XDH: variants seen among roughly 807,000 people sequenced by gnomAD.
XDH encodes xanthine dehydrogenase/oxidase.
In XDH, 138 loss-of-function variants were observed where a neutral mutation model predicts 156.1. The ratio of observed to expected loss-of-function variants is 0.88; its 90% CI spans 0.77 to 1.02. XDH has a LOEUF of 1.02. Among genes scored for constraint, XDH ranks in the 50% least tolerant of loss-of-function variants. The pLI is 0.00. For synonymous variants in XDH, 669 were observed against 625.7 expected, an observed-to-expected ratio of 1.07 and a Z score of -1.03; for missense variants, 1,849 against 1,684.9, an observed-to-expected ratio of 1.10 and a Z score of -1.71.
intron 6 of XDH, among the ~76,000 whole-genome samples, chr2:31,393,066 G>C (rs1686809761): frequency 6.6e-6 from 1 of 152,178 alleles, no homozygotes; most frequent in Non-Finnish European, 1.5e-5. Context: ...GGTCCATCTA[G>C]GTGAATGCTC....
chr2:31,398,735 C>A, intron 4 of XDH, 36 bp from the exon 5 acceptor site: 1 of 1,611,746 alleles, frequency 6.2e-7, no homozygotes, highest in East Asian at 2.2e-5. Context: ...CCTGGGATGG[C>A]AGAACCCTCC....
intron 12 of XDH, 69 bp from the exon 13 acceptor site, chr2:31,380,045 G>T (rs1182528992): frequency 1.5e-5 from 22 of 1,472,516 alleles, no homozygotes; most frequent in Non-Finnish European, 2.1e-5. Flanking sequence ...GGGGAGAAAG[G>T]ATAACCATCA....
chr2:31,368,904 T>C (rs904853676), intron 18 of XDH, among the ~76,000 whole-genome samples: 1 of 152,172 alleles, frequency 6.6e-6, no homozygotes, highest in African/African-American at 2.4e-5. Context: ...ATTGAGAAGC[T>C]GAACCAGATA....
chr2:31,387,383 G>C (rs1686639788), intron 8 of XDH, among the ~76,000 whole-genome samples: 1 of 152,124 alleles, frequency 6.6e-6, no homozygotes, highest in Admixed American at 6.5e-5. Flanking sequence ...TTTGAAGAGA[G>C]CTCTCGTTTT....
intron 9 of XDH, among the ~76,000 whole-genome samples, chr2:31,386,060 T>C (rs1189266306): frequency 6.6e-6 from 1 of 152,180 alleles, no homozygotes; most frequent in East Asian, 1.9e-4. Flanking sequence ...TGTAAATGTT[T>C]GTGGAGAGAA....
intron 6 of XDH, among the ~76,000 whole-genome samples, chr2:31,391,412 A>G (rs998052509): frequency 6.6e-6 from 1 of 152,082 alleles, no homozygotes; most frequent in Non-Finnish European, 1.5e-5. Flanking sequence ...TTTGTAGTAA[A>G]TCTTGAAATT....
chr2:31,366,145 A>G (rs188763373), intron 21 of XDH, 36 bp from the exon 22 acceptor site: 202 of 1,614,196 alleles, frequency 1.3e-4, no homozygotes, highest in Middle Eastern at 1.2e-3. Flanking sequence ...CACTGAATGC[A>G]TTACCTGAAC....
intron 23 of XDH, 137 bp downstream of exon 23, chr2:31,365,320 T>A: frequency 1.1e-6 from 1 of 903,970 alleles, no homozygotes; most frequent in Non-Finnish European, 1.8e-6. Flanking sequence ...TTTGAATTTC[T>A]CTTCTTGCTA....
intron 16 of XDH, 70 bp downstream of exon 16, chr2:31,373,803 G>T: frequency 6.7e-7 from 1 of 1,495,194 alleles, no homozygotes; most frequent in Non-Finnish European, 9.3e-7. Flanking sequence ...ATTAGCCGAT[G>T]GTCAGCCACT....
At chr2:31,389,566 C>T (rs1439735809) in intron 6 of XDH, 1 of 152,164 alleles carries the variant, frequency 6.6e-6, no homozygotes, top group Non-Finnish European at 1.5e-5. Context: ...CCCTGGCCTA[C>T]CTGAAGTGAA....
chr2:31,375,023 C>CTTTTTTTTTTTTTT (rs60340656), intron 15 of XDH, among the ~76,000 whole-genome samples: 3 of 92,350 alleles, frequency 3.2e-5, no homozygotes, highest in Admixed American at 1.3e-4. Flanking sequence ...TTCTTTCTTT[C>CTTTTTTTTTTTTTT]TTTTTTTTTT....
In XDH at chr2:31,377,039, C is replaced by T. The variant is rs745902845; in HGVS notation, c.1427+14G>A. 6.8e-6 allele frequency: 11 copies of T among 1,614,054 alleles called. No homozygotes were observed. The highest frequency in any genetic ancestry group is 9.3e-6 in the Non-Finnish European group (11 of 1,179,990). The stretch of plus-strand genomic sequence containing the variant: ...CAACATTAGCAGCAGTTTCATTGTG[C>T]TGTTAGCTCTTACTTGGAAAGCTGC... On this transcript the variant is annotated intron_variant, in intron 14 of 35. Transcript: ENST00000379416.
At chr2:31,350,802 C>A (rs1215847566) in intron 24 of XDH, among the ~76,000 whole-genome samples, 1 of 152,150 alleles carries the variant, frequency 6.6e-6, no homozygotes, top group African/African-American at 2.4e-5. Flanking sequence ...TTTAAAAATT[C>A]ATTGTAAATT....
At chr2:31,346,664 C>T (rs1685302586) in intron 30 of XDH, 105 bp downstream of exon 30, 7 of 1,361,116 alleles carry the variant, frequency 5.1e-6, no homozygotes, top group Admixed American at 3.3e-5. Context: ...CTCTGCTGTT[C>T]TGACTAAAAT....
At chr2:31,405,552 T>G (rs571249491) in intron 2 of XDH, among the ~76,000 whole-genome samples, 10 of 152,274 alleles carry the variant, frequency 6.6e-5, no homozygotes, top group Middle Eastern at 3.4e-3. Context: ...GAACTCCATT[T>G]ATGTATTAAG....
At chr2:31,413,261 G>T (rs1048384773) in intron 1 of XDH, among the ~76,000 whole-genome samples, 13 of 152,192 alleles carry the variant, frequency 8.5e-5, no homozygotes, top group Non-Finnish European at 1.8e-4. Context: ...AAAGCCAATT[G>T]CACAATGGTT....
intron 24 of XDH, among the ~76,000 whole-genome samples, chr2:31,363,754 T>C (rs1165693292): frequency 3.3e-5 from 5 of 152,184 alleles, no homozygotes; most frequent in African/African-American, 1.2e-4. Context: ...AATTTGATCA[T>C]CACTGCTAAC....
rs547617036 is a variant in XDH at position 31,340,123 on chromosome 2, G to A, written c.3586-446C>T. 2.6e-5 allele frequency among the ~76,000 whole-genome samples: 4 copies of A among 152,334 alleles called. No individual in the cohort carries two copies. In the South Asian group the frequency reaches 8.3e-4, roughly 32 times the overall value. On this transcript the variant is annotated intron_variant, in intron 33 of 35. Transcript: ENST00000379416. ...TGCCCCCACTGCAGTTCAGCTTACA[G>A]GTCTCTCCTAGGGTAACTGCCATGA...
chr2:31,411,952 T>C (rs1444755057), intron 1 of XDH, among the ~76,000 whole-genome samples: 1 of 133,274 alleles, frequency 7.5e-6, no homozygotes. Flanking sequence ...AAGTGAATGA[T>C]GAGTAAGTGA....
Sources: allele counts gnomAD v4.1 joint callset (sites outside exome capture counted in the v4.1 genomes callset), GRCh38; gene constraint gnomAD v4.1.1; transcripts MANE v1.5; gene names NCBI Gene and HGNC (gene_info 2026-07-23, HGNC 2026-07-21).